Variants in SPTSSB observed in about 807,000 individuals in gnomAD.
SPTSSB encodes the protein androgen down regulated in mouse prostate.
A neutral mutation model predicts 7.7 loss-of-function variants in SPTSSB; 6 were observed. The ratio of observed to expected loss-of-function variants is 0.78; its 90% confidence interval spans 0.43 to 1.54. The LOEUF is 1.54. Ranked by LOEUF, SPTSSB falls within the 40% of genes most tolerant of loss-of-function variation. The probability of loss-of-function intolerance (pLI) is 0.01; values close to 1 mark genes in which losing one functional copy is unlikely to be tolerated. For missense variants in SPTSSB, 91 were observed against 93.0 expected (o/e 0.98, Z 0.09); for synonymous variants, 28 against 29.7 (o/e 0.94, Z 0.19).
In SPTSSB at chr3:161,356,670, A is replaced by G. The variant is rs74818015; in HGVS notation, c.-33+3132T>C. Among the ~76,000 whole-genome samples, 32 of 152,268 alleles carry G rather than the reference A, an allele frequency of 2.1e-4. No homozygotes were observed. In the East Asian group the frequency reaches 6.0e-3, roughly 28 times the overall value. On this transcript the variant is annotated intron_variant, in intron 2 of 2. Transcript: ENST00000620149. Reference sequence around the variant, plus strand: ...CTGCTTATTCTTTATTTCTTATTACATTATCTGGAAAGCTGTGGTGATGAG... The same window carrying G: ...CTGCTTATTCTTTATTTCTTATTACGTTATCTGGAAAGCTGTGGTGATGAG...
chr3:161,346,439 C>A, intron 2 of SPTSSB, 84 bp from the exon 3 acceptor site: 1 of 648,668 alleles, frequency 1.5e-6, no homozygotes, highest in East Asian at 2.8e-5. Flanking sequence ...ATGTTAAAAT[C>A]TTTCAAAGAT....
intron 2 of SPTSSB, among the ~76,000 whole-genome samples, chr3:161,358,516 A>G (rs1266194340): frequency 1.3e-5 from 2 of 152,210 alleles, no homozygotes; most frequent in African/African-American, 2.4e-5. Context: ...TAAAATATTT[A>G]GAATAACACA....
rs1277737927 is a variant in SPTSSB, at chr3:161,345,127, C to T, written c.*966G>A. 1.3e-5 allele frequency: 2 copies of T among 152,580 alleles called. No individual in the cohort carries two copies. Among genetic ancestry groups the T allele is most frequent in the African/African-American group, 4.8e-5 (2 of 41,442 alleles). The allele number at this position is 152,580 out of a possible 1,614,324, so 9.5% of individuals were successfully genotyped here. A position where few individuals can be genotyped will look rare whatever the true frequency, so the allele number is the denominator to read the frequency against. On this transcript the variant is annotated 3_prime_UTR_variant, in exon 3 of 3. Coordinates refer to ENST00000620149, the MANE Select transcript of SPTSSB (RefSeq NM_001040100.2). ...ACCTTATATTTGTTTTAAAGATAAACAGTTTGAAGGAAATTTAATAAATCT... is the reference window on the plus strand; with the variant it reads ...ACCTTATATTTGTTTTAAAGATAAATAGTTTGAAGGAAATTTAATAAATCT...
rs9831694 is a variant in SPTSSB at position 161,366,373 on chromosome 3, T to C, written c.-126+5062A>G. ...TTCCTTATGCTTACTTGGAAGGCCTTTGTGCTGATATACTATTTTTTTCTG... is the reference window on the plus strand; with the variant it reads ...TTCCTTATGCTTACTTGGAAGGCCTCTGTGCTGATATACTATTTTTTTCTG... On this transcript the variant is annotated intron_variant, in intron 1 of 2. Coordinates refer to ENST00000620149, the MANE Select transcript of SPTSSB (RefSeq NM_001040100.2). Among the ~76,000 whole-genome samples the C allele has an allele frequency of 9.3e-3, 1,419 of 152,276 alleles. 34 individuals are homozygous for C. The highest frequency in any genetic ancestry group is 0.014 in the South Asian group (69 of 4,824).
intron 2 of SPTSSB, among the ~76,000 whole-genome samples, chr3:161,353,691 GGTTTAA>G (rs1467228425): frequency 1.3e-5 from 2 of 151,956 alleles, no homozygotes; most frequent in Non-Finnish European, 2.9e-5. Flanking sequence ...ACATGAATGT[GGTTTAA>G]GTTTATCTGA....
At chr3:161,360,488 A>G (rs1481037688) in intron 1 of SPTSSB, among the ~76,000 whole-genome samples, 1 of 152,176 alleles carries the variant, frequency 6.6e-6, no homozygotes, top group Non-Finnish European at 1.5e-5. Context: ...TAGAACAGTG[A>G]TATTGTCTTA....
chr3:161,366,622 T>C (rs1022520317), intron 1 of SPTSSB, among the ~76,000 whole-genome samples: 1 of 152,194 alleles, frequency 6.6e-6, no homozygotes, highest in African/African-American at 2.4e-5. Context: ...CGTTCTTTTC[T>C]CTGTTTTATG....
intron 2 of SPTSSB, among the ~76,000 whole-genome samples, chr3:161,354,324 C>T (rs1714675775): frequency 1.3e-5 from 2 of 152,122 alleles, no homozygotes; most frequent in Admixed American, 1.3e-4. Context: ...TTATGGCTAC[C>T]TGAACTCACC....
At chr3:161,367,254 A>G (rs530837660) in intron 1 of SPTSSB, among the ~76,000 whole-genome samples, 1 of 152,376 alleles carries the variant, frequency 6.6e-6, no homozygotes, top group Non-Finnish European at 1.5e-5. Context: ...TCTTTTAATT[A>G]GAGAAAATAT....
chr3:161,371,461 G>C lies in SPTSSB; in HGVS notation c.-152C>G, dbSNP rs928340039. On this transcript the variant is annotated 5_prime_UTR_variant, in exon 1 of 3. Coordinates refer to ENST00000620149, the MANE Select transcript of SPTSSB (RefSeq NM_001040100.2). The stretch of plus-strand genomic sequence containing the variant: ...TCCCAGTTGGGTGTATCTCCCTGCG[G>C]CTTAGGTGAGCGCCGAGGCTTTGGC... 3.0e-6 allele frequency: 3 copies of C among 985,360 alleles called. No homozygotes were observed. The highest frequency in any genetic ancestry group is 2.4e-6 in the Non-Finnish European group (2 of 829,994). The allele number at this position is 985,360 out of a possible 1,614,324, so 61.0% of individuals were successfully genotyped here.
In SPTSSB at chr3:161,345,690, A is replaced by G. The variant is rs1714188119; in HGVS notation, c.*403T>C. ...GATAGGATACTTCTGACAGTAGCCT[A>G]TAAAGATTTTTTAAAATTTATCCTT... On this transcript the variant is annotated 3_prime_UTR_variant, in exon 3 of 3. Coordinates refer to ENST00000620149, the MANE Select transcript of SPTSSB (RefSeq NM_001040100.2). 6.4e-6 allele frequency: 1 copy of G among 156,652 alleles called. No individual in the cohort carries two copies. Among genetic ancestry groups the G allele is most frequent in the African/African-American group, 2.4e-5 (1 of 41,506 alleles). The allele number at this position is 156,652 out of a possible 1,614,324, so 9.7% of individuals were successfully genotyped here. A position where few individuals can be genotyped will look rare whatever the true frequency, so the allele number is the denominator to read the frequency against.
chr3:161,356,613 T>TA (rs908197003), intron 2 of SPTSSB, among the ~76,000 whole-genome samples: 3 of 152,216 alleles, frequency 2.0e-5, no homozygotes, highest in Admixed American at 6.5e-5. Context: ...TACAACTTTT[T>TA]AAAAAAACAT....
At chr3:161,346,601 TA>T (rs2108152114) in intron 2 of SPTSSB, among the ~76,000 whole-genome samples, 1 of 152,290 alleles carries the variant, frequency 6.6e-6, no homozygotes, top group Admixed American at 6.5e-5. Context: ...CAGTAACATC[TA>T]TCTAAACATG....
chr3:161,352,492 A>G (rs927595049), intron 2 of SPTSSB, among the ~76,000 whole-genome samples: 2 of 152,196 alleles, frequency 1.3e-5, no homozygotes, highest in African/African-American at 4.8e-5. Flanking sequence ...CAACATTTTT[A>G]GTTATGCACA....
At chr3:161,369,325 TTTCTTTC>T (rs1715383001) in intron 1 of SPTSSB, among the ~76,000 whole-genome samples, 1 of 96,782 alleles carries the variant, frequency 1.0e-5, no homozygotes, top group Non-Finnish European at 2.0e-5. Context: ...TCTTTCTTTC[TTTCTTTC>T]TTTCTTTCTT....
At position 161,345,305 on chromosome 3, in the gene SPTSSB, A is replaced by G. The variant is rs981783862; in HGVS notation, c.*788T>C. 6.6e-6 allele frequency: 1 copy of G among 152,590 alleles called. No individual in the cohort carries two copies. The highest frequency in any genetic ancestry group is 1.5e-5 in the Non-Finnish European group (1 of 68,028). The allele number at this position is 152,590 out of a possible 1,614,324, so 9.5% of individuals were successfully genotyped here. The stretch of plus-strand genomic sequence containing the variant: ...TCCCTCTACACTGAATGAAAGTACA[A>G]AAAGAAAACCATTTCTTTTCTCTTT... On this transcript the variant is annotated 3_prime_UTR_variant, in exon 3 of 3. Coordinates refer to ENST00000620149, the MANE Select transcript of SPTSSB (RefSeq NM_001040100.2).
chr3:161,353,383 C>A (rs1714630661), intron 2 of SPTSSB, among the ~76,000 whole-genome samples: 1 of 152,160 alleles, frequency 6.6e-6, no homozygotes, highest in Non-Finnish European at 1.5e-5. Flanking sequence ...GGGGAAAAAA[C>A]TACCCCTTAT....
chr3:161,359,442 A>C (rs929100170), intron 2 of SPTSSB: 1 of 152,208 alleles, frequency 6.6e-6, no homozygotes, highest in Non-Finnish European at 1.5e-5. Flanking sequence ...CAATTCTAAC[A>C]CTGGCACTTG....
chr3:161,366,053 C>G (rs1251557622), intron 1 of SPTSSB, among the ~76,000 whole-genome samples: 1 of 152,156 alleles, frequency 6.6e-6, no homozygotes, highest in Non-Finnish European at 1.5e-5. Context: ...TTTCTCTTAC[C>G]TTACTTCTCC....
Sources: allele counts gnomAD v4.1 joint callset (sites outside exome capture counted in the v4.1 genomes callset), GRCh38; gene constraint gnomAD v4.1.1; transcripts MANE v1.5; gene names NCBI Gene and HGNC (gene_info 2026-07-23, HGNC 2026-07-21).